Variants in GAPVD1 observed in about 807,000 individuals in gnomAD.
GAPVD1 encodes GTPase-activating protein and VPS9 domain-containing protein 1.
Under a neutral mutation model 155.5 loss-of-function variants are expected in GAPVD1, and 35 were observed. That is an observed-to-expected ratio of 0.23 (90% CI 0.17 to 0.30). GAPVD1 has a LOEUF of 0.30. GAPVD1 is among the 10% of genes least tolerant of loss of function. The pLI is 1.00. For synonymous variants in GAPVD1, 636 were observed against 619.7 expected (o/e 1.03, Z -0.39); for missense variants, 1,429 against 1,775.7 (o/e 0.80, Z 3.51).
At chr9:125,265,250 ATTCTTCTTCCTTCT>A (rs1347486959) in intron 1 of GAPVD1, among the ~76,000 whole-genome samples, 4 of 150,656 alleles carry the variant, frequency 2.7e-5, no homozygotes, top group South Asian at 2.1e-4. Context: ...ATTTCTCTTC[ATTCTTCTTCCTTCT>A]TTCTTCTTCC....
chr9:125,328,841 C>G lies in GAPVD1; in HGVS notation c.2033-1237C>G, dbSNP rs866806550. ...GGCCGGGCAGGGGGCTGACCCCCCC[C>G]CCACCTCCCTCCCGGACGGGGCGGC... On this transcript the variant is annotated intron_variant, in intron 12 of 27. Transcript: ENST00000297933. Among the ~76,000 whole-genome samples the G allele has an allele frequency of 4.6e-5, 7 of 151,878 alleles. 1 individual carries two copies. Among genetic ancestry groups the G allele is most frequent in the Admixed American group, 3.9e-4 (6 of 15,246 alleles).
At chr9:125,279,657 A>G (rs1040379045) in intron 2 of GAPVD1, among the ~76,000 whole-genome samples, 1 of 152,016 alleles carries the variant, frequency 6.6e-6, no homozygotes. Context: ...TAGTTCTGCC[A>G]AAGTGTAGGC....
At position 125,264,129 on chromosome 9, in the gene GAPVD1, C is replaced by T. The variant is rs112877471; in HGVS notation, c.-199+2170C>T. The T allele has an allele frequency of 7.6e-3, 5,425 of 710,746 alleles. 225 individuals carry two copies. In the African/African-American group the frequency reaches 0.087, roughly 11 times the overall value. The allele number at this position is 710,746 out of a possible 1,614,324, so 44.0% of individuals were successfully genotyped here. On this transcript the variant is annotated intron_variant, in intron 1 of 27. Transcript: ENST00000297933. Reference sequence around the variant, plus strand: ...GAATCATTGAAGGCAGACAGGATGACAGTGTAGACGAAAGAGAATTTCATA... The same window carrying T: ...GAATCATTGAAGGCAGACAGGATGATAGTGTAGACGAAAGAGAATTTCATA...
intron 2 of GAPVD1, among the ~76,000 whole-genome samples, chr9:125,279,164 A>G (rs1240045705): frequency 6.6e-6 from 1 of 151,114 alleles, no homozygotes; most frequent in Non-Finnish European, 1.5e-5. Flanking sequence ...GTGAGCCGAG[A>G]TCACACCACT....
chr9:125,297,853 C>T (rs528469279), intron 3 of GAPVD1, among the ~76,000 whole-genome samples: 2 of 152,256 alleles, frequency 1.3e-5, no homozygotes, highest in East Asian at 1.9e-4. Flanking sequence ...TCAAACAATT[C>T]TCCTGCCTCA....
At chr9:125,330,776 G>A (rs1319073624) in intron 13 of GAPVD1, among the ~76,000 whole-genome samples, 5 of 152,198 alleles carry the variant, frequency 3.3e-5, no homozygotes, top group East Asian at 1.9e-4. Flanking sequence ...TATTTTGAAA[G>A]CAATTTTCTG....
Position 125,293,861 on chromosome 9 carries a change from T to TAA in GAPVD1, c.-149-1596_-149-1595insAA, listed in dbSNP as rs1839211132. Among the ~76,000 whole-genome samples the TAA allele has an allele frequency of 4.5e-3, 49 of 10,840 alleles. 5 individuals carry two copies. In the African/African-American group the frequency reaches 0.047, roughly 10 times the overall value. The allele number at this position is 10,840 out of a possible 152,430, so 7.1% of individuals were successfully genotyped here. On this transcript the variant is annotated intron_variant, in intron 2 of 27. Coordinates refer to ENST00000297933, the MANE Select transcript of GAPVD1 (RefSeq NM_001282680.3). Reference sequence around the variant, plus strand: ...TATATAAAAATATATTTTATATATATATATATATATATATATATATATATA... The same window carrying TAA: ...TATATAAAAATATATTTTATATATATAAATATATATATATATATATATATATA...
intron 20 of GAPVD1, 73 bp downstream of exon 20, chr9:125,347,014 G>T: frequency 1.3e-6 from 2 of 1,483,410 alleles, no homozygotes; most frequent in East Asian, 2.3e-5. Flanking sequence ...AATTTAAGTG[G>T]CCTTTAAAAG....
intron 1 of GAPVD1, among the ~76,000 whole-genome samples, chr9:125,264,545 T>C (rs1206997677): frequency 6.6e-6 from 1 of 151,972 alleles, no homozygotes; most frequent in Non-Finnish European, 1.5e-5. Flanking sequence ...TTCAGGGTAA[T>C]GGGGAATGAA....
chr9:125,271,602 G>A (rs556031870), intron 2 of GAPVD1, among the ~76,000 whole-genome samples: 3 of 152,122 alleles, frequency 2.0e-5, no homozygotes, highest in Admixed American at 6.6e-5. Context: ...CCAGGCTGGA[G>A]TCCAGTGACC....
chr9:125,349,238 A>G (rs1333928312), intron 20 of GAPVD1, 152 bp from the exon 21 acceptor site: 1 of 608,708 alleles, frequency 1.6e-6, no homozygotes, highest in Non-Finnish European at 2.9e-6. Flanking sequence ...TCAGTTAAGT[A>G]TTTGAAGTTT....
In GAPVD1 at chr9:125,341,171, C is replaced by T. The variant is rs771342958; in HGVS notation, c.2878-6C>T. The stretch of plus-strand genomic sequence containing the variant: ...CTCCAAATAAAGCCTCCAACTTTTT[C>T]TACAGACTGAAGAACGCAAAGATAG... On this transcript the variant is annotated splice_polypyrimidine_tract_variant and splice_region_variant and intron_variant, in intron 17 of 27. Coordinates refer to ENST00000297933, the MANE Select transcript of GAPVD1 (RefSeq NM_001282680.3). 1.1e-5 allele frequency: 16 copies of T among 1,517,330 alleles called. No individual in the cohort carries two copies. In the Admixed American group the frequency reaches 2.7e-4, roughly 25 times the overall value. The allele number at this position is 1,517,330 out of a possible 1,614,324, so 94.0% of individuals were successfully genotyped here. A position where few individuals can be genotyped will look rare whatever the true frequency, so the allele number is the denominator to read the frequency against.
At chr9:125,337,188 C>T (rs1314766240) in intron 16 of GAPVD1, 33 bp from the exon 17 acceptor site, 1 of 1,611,694 alleles carries the variant, frequency 6.2e-7, no homozygotes, top group Non-Finnish European at 8.5e-7. Flanking sequence ...TATGTTGTGT[C>T]TCAGTTACAA....
chr9:125,273,453 A>G (rs964872254), intron 2 of GAPVD1, among the ~76,000 whole-genome samples: 3 of 150,690 alleles, frequency 2.0e-5, no homozygotes, highest in Admixed American at 6.6e-5. Flanking sequence ...GTAGGTCTTC[A>G]GCAGGGAAGA....
chr9:125,283,451 C>G (rs1837134927), intron 2 of GAPVD1, among the ~76,000 whole-genome samples: 1 of 152,080 alleles, frequency 6.6e-6, no homozygotes, highest in Non-Finnish European at 1.5e-5. Context: ...CTTGACATCC[C>G]CGGCTCAAGT....
At chr9:125,308,705 A>T (rs1842232330) in intron 8 of GAPVD1, 1 of 152,232 alleles carries the variant, frequency 6.6e-6, no homozygotes, top group Admixed American at 6.6e-5. Context: ...TCCCCACAGA[A>T]GTCCTGTGAG....
intron 2 of GAPVD1, among the ~76,000 whole-genome samples, chr9:125,294,994 C>T (rs909463276): frequency 1.3e-5 from 2 of 151,628 alleles, no homozygotes; most frequent in Non-Finnish European, 2.9e-5. Flanking sequence ...GTGCTTCTTT[C>T]GAGTCAGACA....
At chr9:125,359,268 C>T (rs1194686243) in intron 25 of GAPVD1, 152 bp from the exon 26 acceptor site, 7 of 634,476 alleles carry the variant, frequency 1.1e-5, no homozygotes, top group Non-Finnish European at 1.4e-5. Context: ...GAATACTTAT[C>T]TAAGAGGCTC....
chr9:125,279,595 T>A (rs1178080741), intron 2 of GAPVD1, among the ~76,000 whole-genome samples: 11 of 142,214 alleles, frequency 7.7e-5, no homozygotes, highest in Admixed American at 2.1e-4. Flanking sequence ...AAATTAAAAA[T>A]CAAAAATAAA....
Sources: allele counts gnomAD v4.1 joint callset (sites outside exome capture counted in the v4.1 genomes callset), GRCh38; gene constraint gnomAD v4.1.1; transcripts MANE v1.5; gene names NCBI Gene and HGNC (gene_info 2026-07-23, HGNC 2026-07-21).